The following EPB41L2 variants were observed in gnomAD, a reference collection of about 807,000 sequenced individuals.
EPB41L2 encodes band 4.1-like protein 2.
In EPB41L2, 43 loss-of-function variants were observed where a neutral mutation model predicts 113.0. The ratio of observed to expected loss-of-function variants is 0.38; its 90% CI spans 0.30 to 0.49. The LOEUF (loss-of-function observed/expected upper bound fraction) is 0.49. Among genes scored for constraint, EPB41L2 ranks in the 20% least tolerant of loss-of-function variants. The pLI, the probability that EPB41L2 is intolerant of heterozygous loss-of-function variation, is 0.95. For synonymous variants in EPB41L2, 442 were observed against 436.7 expected (o/e 1.01, Z -0.15); for missense variants, 1,147 against 1,223.4 (o/e 0.94, Z 0.93).
intron 4 of EPB41L2, among the ~76,000 whole-genome samples, chr6:130,921,922 AGGACATATCCCTGC>A (rs1281940051): frequency 5.9e-5 from 9 of 152,366 alleles, no homozygotes; most frequent in Non-Finnish European, 1.2e-4. Context: ...TCTGAGGAAT[AGGACATATCCCTGC>A]TGGAAGCACA....
rs187642402 is a variant in EPB41L2 at position 131,053,507 on chromosome 6, T to C, written c.-15+9648A>G. ...CAGGGGAAGAAAAGCTCCCTGCTTC[T>C]AGTCAGCAAAGGCAGCCCCCCTGAG... On this transcript the variant is annotated intron_variant, in intron 1 of 19. Coordinates refer to ENST00000337057, the MANE Select transcript of EPB41L2 (RefSeq NM_001431.4). Among the ~76,000 whole-genome samples the C allele has an allele frequency of 4.2e-3, 637 of 150,160 alleles. 15 individuals are homozygous for C. Among genetic ancestry groups the C allele is most frequent in the Non-Finnish European group, 7.5e-4 (51 of 67,750 alleles).
chr6:130,971,112 A>G (rs1776664468), intron 1 of EPB41L2, among the ~76,000 whole-genome samples: 1 of 152,022 alleles, frequency 6.6e-6, no homozygotes, highest in Non-Finnish European at 1.5e-5. Flanking sequence ...GACCAGGCTG[A>G]TCTCCAACTC....
At chr6:130,872,603 A>G in intron 14 of EPB41L2, 1 of 1,112,800 alleles carries the variant, frequency 9.0e-7, no homozygotes, top group Non-Finnish European at 1.2e-6. Flanking sequence ...GCAGTGACCT[A>G]TTGGAAGAAA....
At chr6:130,928,717 C>G (rs1477749328) in intron 3 of EPB41L2, among the ~76,000 whole-genome samples, 1 of 152,250 alleles carries the variant, frequency 6.6e-6, no homozygotes, top group Admixed American at 6.5e-5. Flanking sequence ...CATGAGGTAT[C>G]AGCATGATGG....
At chr6:130,876,582 C>T in intron 14 of EPB41L2, 1 of 731,946 alleles carries the variant, frequency 1.4e-6, no homozygotes, top group Non-Finnish European at 1.9e-6. Flanking sequence ...TTTAGTATGA[C>T]ACACAGGAAA....
At chr6:130,895,418 A>T (rs1047850161) in intron 8 of EPB41L2, among the ~76,000 whole-genome samples, 5 of 152,208 alleles carry the variant, frequency 3.3e-5, no homozygotes, top group Non-Finnish European at 5.9e-5. Flanking sequence ...AGGAGCTAAC[A>T]GAGAAGAAAG....
At chr6:130,925,689 C>T (rs1303823225) in intron 4 of EPB41L2, among the ~76,000 whole-genome samples, 1 of 152,106 alleles carries the variant, frequency 6.6e-6, no homozygotes, top group Admixed American at 6.6e-5. Flanking sequence ...TTAGGACAAA[C>T]AGAAGAGCAC....
intron 1 of EPB41L2, among the ~76,000 whole-genome samples, chr6:130,985,588 C>A (rs1254846798): frequency 1.3e-5 from 2 of 152,152 alleles, no homozygotes; most frequent in Non-Finnish European, 2.9e-5. Context: ...CTGAAGGTCC[C>A]CAGCTTGCAA....
At chr6:130,993,533 CA>C (rs1009543673) in intron 1 of EPB41L2, among the ~76,000 whole-genome samples, 3 of 152,110 alleles carry the variant, frequency 2.0e-5, no homozygotes, top group Non-Finnish European at 4.4e-5. Flanking sequence ...GAGGATGGGG[CA>C]GGGGTTTTAT....
At position 130,863,892 on chromosome 6, in the gene EPB41L2, A is replaced by G. The variant is rs916384751; in HGVS notation, c.2830-174T>C. 5.2e-4 allele frequency among the ~76,000 whole-genome samples: 79 copies of G among 152,212 alleles called. 2 individuals carry two copies. Among genetic ancestry groups the G allele is most frequent in the Non-Finnish European group, 7.3e-5 (5 of 68,032 alleles). On this transcript the variant is annotated intron_variant, in intron 17 of 19. Transcript: ENST00000337057. Reference sequence around the variant, plus strand: ...CACTTTGTGCTTTATTTTTAGGCTCAATAGAGAATCCTATTACTAAAGTTA... The same window carrying G: ...CACTTTGTGCTTTATTTTTAGGCTCGATAGAGAATCCTATTACTAAAGTTA...
At chr6:130,997,563 T>C (rs1354555111) in intron 1 of EPB41L2, among the ~76,000 whole-genome samples, 2 of 152,204 alleles carry the variant, frequency 1.3e-5, no homozygotes, top group Non-Finnish European at 2.9e-5. Context: ...AAATTTTCTC[T>C]ACGACTTCAT....
At chr6:130,945,395 G>A (rs759255076) in intron 3 of EPB41L2, among the ~76,000 whole-genome samples, 17 of 152,156 alleles carry the variant, frequency 1.1e-4, no homozygotes, top group Non-Finnish European at 2.4e-4. Flanking sequence ...TTTATCAACA[G>A]AACACTGATG....
At chr6:131,020,501 C>A (rs1442930994) in intron 1 of EPB41L2, among the ~76,000 whole-genome samples, 1 of 152,164 alleles carries the variant, frequency 6.6e-6, no homozygotes, top group Non-Finnish European at 1.5e-5. Context: ...CAAAGTGATT[C>A]CCTCTATCTA....
At chr6:130,892,020 T>G (rs995960433) in intron 10 of EPB41L2, among the ~76,000 whole-genome samples, 1 of 152,198 alleles carries the variant, frequency 6.6e-6, no homozygotes, top group Non-Finnish European at 1.5e-5. Context: ...GTTTAAAAAT[T>G]TAAAACTGCT....
chr6:131,027,991 C>G (rs982653761), intron 1 of EPB41L2, among the ~76,000 whole-genome samples: 1 of 152,008 alleles, frequency 6.6e-6, no homozygotes, highest in African/African-American at 2.4e-5. Context: ...AAAGCAAATA[C>G]CAGTAAACAG....
chr6:130,901,384 T>C (rs559963304), intron 6 of EPB41L2, among the ~76,000 whole-genome samples: 71 of 152,278 alleles, frequency 4.7e-4, no homozygotes, highest in African/African-American at 1.3e-3. Context: ...TTATAGAAAC[T>C]GAGTCCAGAA....
intron 3 of EPB41L2, among the ~76,000 whole-genome samples, chr6:130,946,954 C>CA (rs983617553): frequency 3.4e-5 from 5 of 147,568 alleles, no homozygotes; most frequent in East Asian, 2.0e-4. Context: ...AATCGCATCA[C>CA]AAAAAAAAAT....
intron 5 of EPB41L2, among the ~76,000 whole-genome samples, chr6:130,905,262 A>T (rs1346633094): frequency 1.3e-5 from 2 of 152,154 alleles, no homozygotes; most frequent in East Asian, 3.8e-4. Context: ...TTGATAGATC[A>T]TGTGTAGGAT....
intron 12 of EPB41L2, 62 bp from the exon 13 acceptor site, chr6:130,880,268 A>C: frequency 8.4e-7 from 1 of 1,189,918 alleles, no homozygotes; most frequent in South Asian, 1.3e-5. Context: ...ATCAATCAGC[A>C]AGCACCAAAA....
Sources: gnomAD v4.1 joint callset for allele counts (sites outside exome capture counted in the v4.1 genomes callset) on GRCh38, gnomAD v4.1.1 for gene constraint, MANE v1.5 for transcripts, NCBI Gene and HGNC (gene_info 2026-07-23, HGNC 2026-07-21) for gene names.